TMTC2: variants seen among roughly 807,000 people sequenced by gnomAD.
TMTC2 encodes the protein transmembrane O-mannosyltransferase targeting cadherins 2, also known as protein O-mannosyl-transferase TMTC2.
In TMTC2, 43 loss-of-function variants were observed where a neutral mutation model predicts 82.4. The observed-to-expected ratio is 0.52, with a 90% CI of 0.41 to 0.67. The LOEUF (loss-of-function observed/expected upper bound fraction) is 0.67. Among genes scored for constraint, TMTC2 ranks in the 30% least tolerant of loss-of-function variants. TMTC2 has a pLI of 0.00. For missense variants in TMTC2, 919 were observed against 1,012.4 expected, an observed-to-expected ratio of 0.91 and a Z score of 1.25; for synonymous variants, 408 against 381.9, an observed-to-expected ratio of 1.07 and a Z score of -0.80.
chr12:82,921,967 CA>C (rs1438346201), intron 3 of TMTC2, among the ~76,000 whole-genome samples: 1 of 150,788 alleles, frequency 6.6e-6, no homozygotes, highest in Non-Finnish European at 1.5e-5. Flanking sequence ...AAAGGCCAGT[CA>C]TGGTGGTGCA....
At chr12:82,753,346 GAGA>G (rs894339709) in intron 1 of TMTC2, among the ~76,000 whole-genome samples, 3 of 144,680 alleles carry the variant, frequency 2.1e-5, no homozygotes, top group African/African-American at 7.6e-5. Context: ...TTTTTTTGAG[GAGA>G]AGTTTTCTGG....
chr12:82,920,771 T>A (rs1489896710), intron 3 of TMTC2, among the ~76,000 whole-genome samples: 1 of 152,208 alleles, frequency 6.6e-6, no homozygotes. Context: ...ATATGCTTAG[T>A]CTTAGGATTG....
chr12:82,948,764 C>T (rs1052212256), intron 4 of TMTC2, among the ~76,000 whole-genome samples: 1 of 152,190 alleles, frequency 6.6e-6, no homozygotes, highest in Non-Finnish European at 1.5e-5. Flanking sequence ...AAATTATAAC[C>T]ATATCTGTGA....
At chr12:83,017,025 C>A (rs1341723964) in intron 8 of TMTC2, among the ~76,000 whole-genome samples, 1 of 152,072 alleles carries the variant, frequency 6.6e-6, no homozygotes, top group Non-Finnish European at 1.5e-5. Context: ...ACAACAGGCC[C>A]CTGGAAAAAT....
intron 1 of TMTC2, among the ~76,000 whole-genome samples, chr12:82,702,101 G>T (rs547613282): frequency 6.6e-6 from 1 of 152,270 alleles, no homozygotes; most frequent in Admixed American, 6.5e-5. Context: ...ATTTGCTTAA[G>T]AAATATAGTT....
intron 11 of TMTC2, among the ~76,000 whole-genome samples, chr12:83,098,490 G>A (rs1884105672): frequency 6.6e-6 from 1 of 152,152 alleles, no homozygotes; most frequent in African/African-American, 2.4e-5. Context: ...CAAGTCTCCA[G>A]TCCTTCAAAT....
chr12:83,106,306 C>G (rs1239294627), intron 11 of TMTC2, among the ~76,000 whole-genome samples: 1 of 152,018 alleles, frequency 6.6e-6, no homozygotes, highest in East Asian at 1.9e-4. Flanking sequence ...TCGAGACCAG[C>G]CTGACCAATG....
At chr12:82,699,065 G>T (rs907406960) in intron 1 of TMTC2, among the ~76,000 whole-genome samples, 2 of 152,028 alleles carry the variant, frequency 1.3e-5, no homozygotes, top group African/African-American at 4.8e-5. Context: ...TGGATAAGGG[G>T]GTCTACTGTA....
chr12:82,827,310 C>T (rs1029661242), intron 1 of TMTC2, among the ~76,000 whole-genome samples: 1 of 152,140 alleles, frequency 6.6e-6, no homozygotes, highest in Non-Finnish European at 1.5e-5. Context: ...AAGTAAGTCA[C>T]ATCAACCAAG....
intron 1 of TMTC2, among the ~76,000 whole-genome samples, chr12:82,737,715 T>G (rs1186518021): frequency 6.6e-6 from 1 of 152,196 alleles, no homozygotes; most frequent in African/African-American, 2.4e-5. Context: ...CAGGTTTGAT[T>G]GTTTATACAG....
At chr12:83,018,185 G>A (rs539886961) in intron 8 of TMTC2, among the ~76,000 whole-genome samples, 31 of 152,100 alleles carry the variant, frequency 2.0e-4, no homozygotes, top group East Asian at 1.9e-3. Context: ...CCCATCATCC[G>A]CTACCTTTTA....
At chr12:82,888,048 C>T (rs1395246804) in intron 2 of TMTC2, among the ~76,000 whole-genome samples, 2 of 152,006 alleles carry the variant, frequency 1.3e-5, no homozygotes, top group African/African-American at 4.8e-5. Flanking sequence ...CATTGCATTC[C>T]AGCCTGGGTA....
rs547926211 is a variant in TMTC2 at position 83,059,767 on chromosome 12, C to T, written c.2268-2001C>T. 1.1e-4 allele frequency among the ~76,000 whole-genome samples: 16 copies of T among 151,680 alleles called. No homozygotes were observed. In the East Asian group the frequency reaches 2.9e-3, roughly 28 times the overall value. ...TTCAAGGCATTTTATCTGATGGATT[C>T]CCCAGTTTCTCTTTTGATCCTTATC... On this transcript the variant is annotated intron_variant, in intron 10 of 11. Coordinates refer to ENST00000321196, the MANE Select transcript of TMTC2 (RefSeq NM_152588.3).
chr12:83,054,739 G>A (rs1470991988), intron 10 of TMTC2, among the ~76,000 whole-genome samples: 1 of 151,550 alleles, frequency 6.6e-6, no homozygotes, highest in East Asian at 1.9e-4. Flanking sequence ...ATATGTAAAT[G>A]TTAATAAGAA....
chr12:82,853,283 A>G (rs2137109784), intron 1 of TMTC2, among the ~76,000 whole-genome samples: 1 of 152,054 alleles, frequency 6.6e-6, no homozygotes, highest in Admixed American at 6.5e-5. Context: ...TTGTATTTTT[A>G]GTAGAGATGG....
At chr12:82,789,949 A>G (rs1003738186) in intron 1 of TMTC2, among the ~76,000 whole-genome samples, 1 of 152,158 alleles carries the variant, frequency 6.6e-6, no homozygotes, top group Non-Finnish European at 1.5e-5. Context: ...ACAGTGGCTC[A>G]TGCCTGTAAT....
At position 82,896,250 on chromosome 12, in the gene TMTC2, T is replaced by A. The variant is rs1254281823; in HGVS notation, c.1087T>A (p.Ser363Thr). 1 of 1,613,918 alleles carries A rather than the reference T, an allele frequency of 6.2e-7. No homozygotes were observed. The highest frequency in any genetic ancestry group is 8.5e-7 in the Non-Finnish European group (1 of 1,180,016). ...CCTTTCAGATGTGGAGTACCAGAAC[T>A]CAGAGACTAAGTCCAGCTTTGCATC... ...SCLSDVEYQN[S>T]ETKSSFASKV... is the part of the protein sequence containing the mutation. Residue 363 changes from serine (S) to threonine (T), a missense_variant, in exon 3 of 12, where the codon TCA becomes ACA. Physicochemically the swap from Ser to Thr is moderately conservative, Grantham distance 58 (BLOSUM62 1). Coordinates refer to ENST00000321196, the MANE Select transcript of TMTC2 (RefSeq NM_152588.3).
intron 10 of TMTC2, among the ~76,000 whole-genome samples, chr12:83,054,977 A>G (rs551697233): frequency 1.1e-4 from 16 of 152,190 alleles, no homozygotes; most frequent in African/African-American, 3.9e-4. Context: ...TATAACCTAC[A>G]GACTCTACCA....
At chr12:82,764,137 CACAT>C (rs1876809362) in intron 1 of TMTC2, among the ~76,000 whole-genome samples, 1 of 152,072 alleles carries the variant, frequency 6.6e-6, no homozygotes, top group Non-Finnish European at 1.5e-5. Context: ...CATATACACA[CACAT>C]ACACACTTTT....
Sources: gnomAD v4.1 joint callset for allele counts (sites outside exome capture counted in the v4.1 genomes callset) on GRCh38, gnomAD v4.1.1 for gene constraint, MANE v1.5 for transcripts, NCBI Gene and HGNC (gene_info 2026-07-23, HGNC 2026-07-21) for gene names.